Variants in AGO1 observed in about 807,000 individuals in gnomAD.
AGO1 encodes protein argonaute-1.
In AGO1, 11 loss-of-function variants were observed where a neutral mutation model predicts 109.2. The ratio of observed to expected loss-of-function variants is 0.10; its 90% CI spans 0.06 to 0.17. The LOEUF is 0.17. Ranked by LOEUF, AGO1 falls within the 10% of genes least tolerant of loss-of-function variation. AGO1 has a pLI of 1.00. For synonymous variants in AGO1, 422 were observed against 418.6 expected (o/e 1.01, Z -0.10); for missense variants, 574 against 1,140.3 (o/e 0.50, Z 7.15).
intron 12 of AGO1, among the ~76,000 whole-genome samples, chr1:35,911,655 T>C (rs1380025580): frequency 6.6e-6 from 1 of 152,236 alleles, no homozygotes; most frequent in East Asian, 1.9e-4. Flanking sequence ...TGGAAGTAGA[T>C]ATGATCTTTT....
Position 35,906,860 on chromosome 1 carries a change from C to G in AGO1, c.1398-75C>G, listed in dbSNP as rs980006240. On this transcript the variant is annotated intron_variant, in intron 11 of 18. Coordinates refer to ENST00000373204, the MANE Select transcript of AGO1 (RefSeq NM_012199.5). ...CAGTGCCTCTTATAGTGCTAAGCACCTAAGATGGATGGATTTTTGTCAGAA... is the reference window on the plus strand; with the variant it reads ...CAGTGCCTCTTATAGTGCTAAGCACGTAAGATGGATGGATTTTTGTCAGAA... 6 of 1,392,632 alleles carry G rather than the reference C, an allele frequency of 4.3e-6. No individual in the cohort carries two copies. In the African/African-American group the frequency reaches 8.6e-5, roughly 20 times the overall value. 86.3% of individuals were successfully genotyped at this position (1,392,632 alleles called of 1,614,324 possible). A position where few individuals can be genotyped will look rare whatever the true frequency, so the allele number is the denominator to read the frequency against.
chr1:35,894,554 C>T, intron 7 of AGO1, 152 bp downstream of exon 7: 2 of 733,080 alleles, frequency 2.7e-6, no homozygotes, highest in Non-Finnish European at 4.6e-6. Flanking sequence ...AATTTGGCAT[C>T]CTTTCTCAAC....
At position 35,874,656 on chromosome 1, in the gene AGO1, T is replaced by C. The variant is rs146040180; in HGVS notation, c.-201+4753T>C. ...ACATCTCTTGCTTTAAGTCAGAAGC[T>C]AGAAATGATTAAACTTAGTGAGGAA... On this transcript the variant is annotated intron_variant, in intron 1 of 18. Coordinates refer to the AGO1 transcript ENST00000373206. Among the ~76,000 whole-genome samples the C allele has an allele frequency of 4.8e-3, 738 of 152,286 alleles. 5 individuals carry two copies. The highest frequency in any genetic ancestry group is 7.8e-3 in the Non-Finnish European group (531 of 68,028).
intron 1 of AGO1, among the ~76,000 whole-genome samples, chr1:35,885,320 T>C (rs1443202374): frequency 6.6e-6 from 1 of 152,226 alleles, no homozygotes; most frequent in Non-Finnish European, 1.5e-5. Context: ...TCCTGATGAA[T>C]TCCTAATAGG....
upstream of AGO1, chr1:35,882,983 C>A: frequency 1.1e-6 from 1 of 936,520 alleles, no homozygotes; most frequent in Non-Finnish European, 1.3e-6. The surrounding 1 kb of genome is among the most constrained non-coding windows in gnomAD (Gnocchi z 5.1). Context: ...CTGAAGGCTG[C>A]TGTGGCGGGA....
Position 35,893,344 on chromosome 1 carries a change from A to G in AGO1, c.512+66A>G. On this transcript the variant is annotated intron_variant, in intron 4 of 18. Coordinates refer to ENST00000373204, the MANE Select transcript of AGO1 (RefSeq NM_012199.5). The surrounding 1 kb of genome is among the most constrained non-coding windows in gnomAD (Gnocchi z 5.6). ...GAACTGCTGTCAGGGGAGGAGGGGG[A>G]GCACATATTAAGGTCCCACAGAGTG... The G allele has an allele frequency of 1.3e-6, 2 of 1,531,456 alleles. No homozygotes were observed. Among genetic ancestry groups the G allele is most frequent in the Non-Finnish European group, 1.8e-6 (2 of 1,129,382 alleles). 94.9% of individuals were successfully genotyped at this position (1,531,456 alleles called of 1,614,324 possible). A position where few individuals can be genotyped will look rare whatever the true frequency, so the allele number is the denominator to read the frequency against.
chr1:35,906,834 T>A, intron 11 of AGO1, 101 bp from the exon 12 acceptor site: 3 of 866,102 alleles, frequency 3.5e-6, no homozygotes, highest in East Asian at 2.7e-5. Flanking sequence ...AACCAATCTC[T>A]CAGTGCCTCT....
intron 8 of AGO1, among the ~76,000 whole-genome samples, chr1:35,896,794 C>G (rs1348924579): frequency 6.6e-6 from 1 of 152,190 alleles, no homozygotes; most frequent in Non-Finnish European, 1.5e-5. Context: ...AAACCAAGAA[C>G]TCTGACTTGG....
At chr1:35,914,493 A>T (rs2148723412) in intron 14 of AGO1, among the ~76,000 whole-genome samples, 1 of 151,936 alleles carries the variant, frequency 6.6e-6, no homozygotes, top group East Asian at 1.9e-4. Flanking sequence ...CAGAGACTTG[A>T]CTCATTCTGC....
intron 11 of AGO1, 29 bp downstream of exon 11, chr1:35,902,366 G>A (rs1557612804): frequency 1.2e-6 from 2 of 1,607,952 alleles, no homozygotes; most frequent in South Asian, 1.1e-5. Flanking sequence ...AGGGGTGGAA[G>A]GGTGGGAAGG....
intron 1 of AGO1, among the ~76,000 whole-genome samples, chr1:35,876,293 G>A (rs1644992116): frequency 6.6e-6 from 1 of 150,530 alleles, no homozygotes; most frequent in Non-Finnish European, 1.5e-5. Context: ...TTGAGACGGA[G>A]TCTCACTCTG....
chr1:35,915,135 G>A (rs1363508019), intron 14 of AGO1, among the ~76,000 whole-genome samples: 2 of 152,118 alleles, frequency 1.3e-5, no homozygotes, highest in East Asian at 1.9e-4. Flanking sequence ...GCAAGCAGGT[G>A]TTCTTATCAC....
intron 2 of AGO1, among the ~76,000 whole-genome samples, chr1:35,889,034 G>A (rs1645168912): frequency 8.1e-6 from 1 of 123,760 alleles, no homozygotes; most frequent in Non-Finnish European, 1.5e-5. Context: ...TGATGAGGCA[G>A]AAGGACAGAG....
At position 35,902,207 on chromosome 1, in the gene AGO1, C is replaced by T. The variant is rs779760591; in HGVS notation, c.1267C>T (p.Arg423Trp). 1.2e-6 allele frequency: 2 copies of T among 1,613,256 alleles called. No homozygotes were observed. The highest frequency in any genetic ancestry group is 1.7e-5 in the Admixed American group (1 of 59,946). ...CGCCCCCTCTACCTATCCCCAGAAC[C>T]GGGCCATTGCCACACCCAATCAGGG... ...APILQYGGRN[R>W]AIATPNQGVW... Residue 423 changes from arginine to tryptophan, a missense_variant, in exon 11 of 19, where the codon CGG becomes TGG. Arg to Trp is a moderately radical substitution (Grantham distance 101). Transcript: ENST00000373204.
rs1263636608 is a variant in AGO1, at chr1:35,927,256, A to T, written c.*7649A>T. 1.3e-5 allele frequency: 2 copies of T among 152,164 alleles called. No homozygotes were observed. The highest frequency in any genetic ancestry group is 2.9e-5 in the Non-Finnish European group (2 of 68,030). The allele number at this position is 152,164 out of a possible 1,614,324, so 9.4% of individuals were successfully genotyped here. A position where few individuals can be genotyped will look rare whatever the true frequency, so the allele number is the denominator to read the frequency against. ...AGTTATCTTCAATTGCATATTACAA[A>T]ATTCTGATTAAATTTTTCTTAAATA... On this transcript the variant is annotated 3_prime_UTR_variant, in exon 19 of 19. Coordinates refer to ENST00000373204, the MANE Select transcript of AGO1 (RefSeq NM_012199.5).
chr1:35,901,921 C>T lies in AGO1; in HGVS notation c.1141-27C>T. On this transcript the variant is annotated intron_variant, in intron 9 of 18. Transcript: ENST00000373204. The surrounding 1 kb of genome is among the most constrained non-coding windows in gnomAD (Gnocchi z 4.8). ...GCAGTATTGCCAAGCTCCTGTTCTC[C>T]TGAGATTGCTCTCTTTTGTCCTGCA... 6.4e-7 allele frequency: 1 copy of T among 1,558,582 alleles called. No homozygotes were observed. The highest frequency in any genetic ancestry group is 1.4e-5 in the African/African-American group (1 of 73,116).
chr1:35,922,677 C>T lies in AGO1; in HGVS notation c.*3070C>T, dbSNP rs1221324706. On this transcript the variant is annotated 3_prime_UTR_variant, in exon 19 of 19. Coordinates refer to ENST00000373204, the MANE Select transcript of AGO1 (RefSeq NM_012199.5). ...TCTCTGCATGGCTGCAATGATCCCA[C>T]TGTTAGCTGGCAGGGTCAGGCTTAG... The T allele has an allele frequency of 1.3e-5, 2 of 152,402 alleles. No individual in the cohort carries two copies. Among genetic ancestry groups the T allele is most frequent in the Non-Finnish European group, 2.9e-5 (2 of 68,190 alleles). 9.4% of individuals were successfully genotyped at this position (152,402 alleles called of 1,614,324 possible). A position where few individuals can be genotyped will look rare whatever the true frequency, so the allele number is the denominator to read the frequency against.
chr1:35,888,605 C>T lies in AGO1; in HGVS notation c.204C>T (p.Val68=), dbSNP rs564776109. 8 of 1,614,034 alleles carry T rather than the reference C, an allele frequency of 5.0e-6. No individual in the cohort carries two copies. The East Asian group carries it at 8.9e-5, about 18-fold the overall frequency. Residue 68 remains valine, a synonymous_variant, in exon 2 of 19, where the codon GTC becomes GTT. Transcript: ENST00000373204. The surrounding 1 kb of genome is among the most constrained non-coding windows in gnomAD (Gnocchi z 4.1). ...AGCCGGATAAGTGTCCCCGTAGAGT[C>T]AACCGGTAAGTGATGCACACCTAAG... The part of the protein sequence containing the change: ...DIKPDKCPRR[V]NREVVEYMVQ...
chr1:35,918,664 TC>T (rs1197494841), intron 17 of AGO1, among the ~76,000 whole-genome samples: 2 of 152,156 alleles, frequency 1.3e-5, no homozygotes, highest in Non-Finnish European at 2.9e-5. Flanking sequence ...CTTCCTGCCT[TC>T]CCGCCTCAGC....
Sources: allele counts gnomAD v4.1 joint callset (sites outside exome capture counted in the v4.1 genomes callset), GRCh38; gene constraint gnomAD v4.1.1; non-coding constraint Gnocchi (gnomAD v3.1); transcripts MANE v1.5; gene names NCBI Gene and HGNC (gene_info 2026-07-23, HGNC 2026-07-21).